CTPS1: variants seen among roughly 807,000 people sequenced by gnomAD.
The protein encoded by CTPS1 is CTP synthase 1.
In CTPS1, 25 loss-of-function variants were observed where a neutral mutation model predicts 80.5. The observed-to-expected ratio is 0.31, with a 90% CI of 0.23 to 0.43. The LOEUF is 0.43. Ranked by LOEUF, CTPS1 falls within the 20% of genes least tolerant of loss-of-function variation. CTPS1 has a pLI of 1.00. For missense variants in CTPS1, 442 were observed against 725.7 expected (o/e 0.61, Z 4.49); for synonymous variants, 267 against 252.5 (o/e 1.06, Z -0.54).
At chr1:41,010,305 T>C in intron 18 of CTPS1, 51 bp downstream of exon 18, 1 of 1,270,636 alleles carries the variant, frequency 7.9e-7, no homozygotes, top group South Asian at 1.2e-5. Flanking sequence ...GATAACACAC[T>C]GCGATTGCAA....
chr1:40,985,912 A>G (rs1243868988), intron 3 of CTPS1, among the ~76,000 whole-genome samples: 2 of 152,252 alleles, frequency 1.3e-5, no homozygotes, highest in Admixed American at 6.5e-5. Context: ...TAAAGAAACT[A>G]AAAGTCAGTG....
chr1:41,008,591 G>T, intron 14 of CTPS1, 68 bp from the exon 15 acceptor site: 1 of 1,509,700 alleles, frequency 6.6e-7, no homozygotes. Context: ...GCAGGAAGGA[G>T]GATGTCTTTG....
intron 12 of CTPS1, chr1:41,003,842 G>C (rs1290384998): frequency 1.3e-5 from 2 of 152,362 alleles, no homozygotes; most frequent in African/African-American, 2.4e-5. Context: ...CTGGGTTTCA[G>C]CTGCACGTGG....
chr1:40,983,157 CAG>C lies in CTPS1; in HGVS notation c.-13-117_-13-116del, dbSNP rs1171540707. 5.4e-6 allele frequency: 4 copies of C among 745,034 alleles called. No homozygotes were observed. In the African/African-American group the frequency reaches 7.1e-5, roughly 13 times the overall value. The allele number at this position is 745,034 out of a possible 1,614,324, so 46.2% of individuals were successfully genotyped here. A position where few individuals can be genotyped will look rare whatever the true frequency, so the allele number is the denominator to read the frequency against. On this transcript the variant is annotated intron_variant, in intron 1 of 18. Coordinates refer to ENST00000650070, the MANE Select transcript of CTPS1 (RefSeq NM_001905.4). ...ACGAGAACCTTCTGAAGTCCTGTGA[CAG>C]AGAAACTGAGGCTTCAAGAGGGTTC...
At chr1:41,000,592 A>G (rs551988376) in intron 9 of CTPS1, among the ~76,000 whole-genome samples, 1 of 152,152 alleles carries the variant, frequency 6.6e-6, no homozygotes, top group Admixed American at 6.6e-5. Context: ...AAAACTCTTC[A>G]AAGTATGCAC....
intron 5 of CTPS1, 77 bp from the exon 6 acceptor site, chr1:40,991,088 G>C: frequency 6.7e-6 from 7 of 1,040,558 alleles, no homozygotes; most frequent in Non-Finnish European, 1.0e-5. Flanking sequence ...ATTAAAAGAG[G>C]TTCAAGGAAA....
chr1:40,991,731 C>G (rs775201825), intron 6 of CTPS1, 34 bp from the exon 7 acceptor site: 1 of 1,502,394 alleles, frequency 6.7e-7, no homozygotes, highest in South Asian at 1.2e-5. Context: ...TCATTTTTTC[C>G]TTCTGTCTAA....
rs1315656781 is a variant in CTPS1, at chr1:41,008,800, C to G, written c.1456C>G (p.Pro486Ala). 1.9e-6 allele frequency: 3 copies of G among 1,614,052 alleles called. No homozygotes were observed. The South Asian group carries it at 3.3e-5, about 18-fold the overall frequency. Residue 486 changes from proline (P) to alanine (A), a missense_variant, in exon 16 of 19, where the codon CCA (proline) becomes GCA (alanine). This residue lies in a region of CTPS1 where 321 missense variants were observed against 467.2 expected (regional missense o/e 0.69). Coordinates refer to ENST00000650070, the MANE Select transcript of CTPS1 (RefSeq NM_001905.4). ...ATTTTTCATGCCTCAACAGGTGAAT[C>G]CAGTCTGGAAAAAGTGTTTGGAAGA... ...ERHRHRFEVN[P>A]VWKKCLEEQG...
Position 41,010,177 on chromosome 1 carries a change from A to C in CTPS1, c.1708A>C (p.Arg570=). 6.2e-7 allele frequency: 1 copy of C among 1,613,624 alleles called. No individual in the cohort carries two copies. The highest frequency in any genetic ancestry group is 1.3e-5 in the African/African-American group (1 of 75,052). Residue 570 remains arginine, a synonymous_variant, in exon 18 of 19, where the codon AGG becomes CGG. Transcript: ENST00000650070. ...ATTCTACAGGGACACCTATAGTGAC[A>C]GGAGTGGAAGCAGCTCCCCTGACTC... ...RLSPRDTYSD[R]SGSSSPDSEI... is the part of the protein sequence containing the mutation.
chr1:40,984,207 A>C (rs1205248799), intron 2 of CTPS1, among the ~76,000 whole-genome samples: 1 of 152,184 alleles, frequency 6.6e-6, no homozygotes, highest in Non-Finnish European at 1.5e-5. Context: ...GGAGAAAATG[A>C]GACTTTTTTT....
At chr1:40,982,435 G>A (rs1393025119) in intron 1 of CTPS1, among the ~76,000 whole-genome samples, 4 of 151,270 alleles carry the variant, frequency 2.6e-5, no homozygotes, top group Non-Finnish European at 4.4e-5. Context: ...TGTCGCGCAC[G>A]CTGGAGTGCA....
At chr1:40,993,880 G>A (rs1229190086) in intron 7 of CTPS1, among the ~76,000 whole-genome samples, 1 of 138,310 alleles carries the variant, frequency 7.2e-6, no homozygotes, top group African/African-American at 2.6e-5. Flanking sequence ...CCGTGTTCAA[G>A]CGATTCTCCT....
chr1:40,980,052 C>A (rs973402384), intron 1 of CTPS1: 1 of 151,126 alleles, frequency 6.6e-6, no homozygotes, highest in East Asian at 1.9e-4. Context: ...GCGCGGGCCT[C>A]GTGGCCGGGC....
At chr1:41,001,414 AGTT>A in intron 10 of CTPS1, 2 of 287,680 alleles carry the variant, frequency 7.0e-6, no homozygotes, top group Non-Finnish European at 1.3e-5. Flanking sequence ...GAGTCTCATC[AGTT>A]GTTTTGGCAG....
At chr1:40,982,212 G>A (rs567264067) in intron 1 of CTPS1, among the ~76,000 whole-genome samples, 39 of 152,066 alleles carry the variant, frequency 2.6e-4, no homozygotes, top group African/African-American at 8.9e-4. Flanking sequence ...CTGCCACCGT[G>A]GCACTGCTTT....
rs760379636 is a variant in CTPS1, at chr1:41,007,420, GT to G, written c.1297-27del. The G allele has an allele frequency of 4.4e-6, 7 of 1,602,486 alleles. No homozygotes were observed. Among genetic ancestry groups the G allele is most frequent in the African/African-American group, 1.3e-5 (1 of 74,720 alleles). The stretch of plus-strand genomic sequence containing the variant: ...TCTCTAGCGGAAGCAGAGTTCTGTA[GT>G]TGGTGTCTGTTTTCTGAACATCTCC... On this transcript the variant is annotated intron_variant, in intron 13 of 18. Coordinates refer to ENST00000650070, the MANE Select transcript of CTPS1 (RefSeq NM_001905.4). The surrounding 1 kb of genome is among the most constrained non-coding windows in gnomAD (Gnocchi z 4.4).
chr1:40,998,851 G>T (rs1185275684), intron 9 of CTPS1, among the ~76,000 whole-genome samples: 1 of 152,212 alleles, frequency 6.6e-6, no homozygotes, highest in Non-Finnish European at 1.5e-5. Context: ...GCTTTGTGCT[G>T]CTGGACAGGT....
chr1:40,983,275 C>T lies in CTPS1; in HGVS notation c.-13-3C>T, dbSNP rs1442043905. ...TATCATCTGTAATTTTTCCTTCTTC[C>T]AGGTCAAAGAGTAAAATGAAGTACA... On this transcript the variant is annotated splice_polypyrimidine_tract_variant and splice_region_variant and intron_variant, in intron 1 of 18. Transcript: ENST00000650070. 6.2e-7 allele frequency: 1 copy of T among 1,606,632 alleles called. No homozygotes were observed. The highest frequency in any genetic ancestry group is 1.7e-5 in the Admixed American group (1 of 58,784).
intron 13 of CTPS1, 67 bp downstream of exon 13, chr1:41,006,161 T>A (rs1643028372): frequency 1.5e-6 from 2 of 1,326,752 alleles, no homozygotes; most frequent in African/African-American, 2.9e-5. Context: ...TGAACGTGAT[T>A]GATGATTAGA....
Sources: gnomAD v4.1 joint callset for allele counts (sites outside exome capture counted in the v4.1 genomes callset) on GRCh38, gnomAD v4.1.1 for gene constraint, gnomAD v4.1.1 regional missense constraint, Gnocchi (gnomAD v3.1) non-coding constraint, MANE v1.5 for transcripts, NCBI Gene and HGNC (gene_info 2026-07-23, HGNC 2026-07-21) for gene names.